The following ACTR3B variants were observed in gnomAD, a reference collection of about 807,000 sequenced individuals.
ACTR3B encodes the protein actin related protein 3B.
A neutral mutation model predicts 59.0 loss-of-function variants in ACTR3B; 8 were observed. The ratio of observed to expected loss-of-function variants is 0.14; its 90% confidence interval spans 0.08 to 0.24. The LOEUF is 0.24. Ranked by LOEUF, ACTR3B falls within the 10% of genes least tolerant of loss-of-function variation. ACTR3B has a pLI of 1.00. For synonymous variants in ACTR3B, 148 were observed against 197.9 expected, an observed-to-expected ratio of 0.75 and a Z score of 2.12; for missense variants, 245 against 552.3, an observed-to-expected ratio of 0.44 and a Z score of 5.58.
chr7:152,832,847 G>T (rs992226710), intron 9 of ACTR3B, among the ~76,000 whole-genome samples: 9 of 152,162 alleles, frequency 5.9e-5, no homozygotes, highest in Admixed American at 2.0e-4. Context: ...ACTGGATGAG[G>T]CCCAACCACA....
chr7:152,766,113 C>T (rs1044580902), intron 1 of ACTR3B, among the ~76,000 whole-genome samples: 3 of 152,158 alleles, frequency 2.0e-5, no homozygotes, highest in Non-Finnish European at 2.9e-5. Context: ...ACTCCCAGTT[C>T]CAGTGACTTG....
intron 9 of ACTR3B, among the ~76,000 whole-genome samples, chr7:152,846,519 G>A (rs1433895350): frequency 7.9e-6 from 1 of 126,212 alleles, no homozygotes; most frequent in African/African-American, 3.1e-5. Context: ...GAGCTCTAGT[G>A]CCGGGCTGTA....
At chr7:152,797,096 A>G (rs537147066) in intron 2 of ACTR3B, among the ~76,000 whole-genome samples, 347 of 151,640 alleles carry the variant, frequency 2.3e-3, no homozygotes, top group Middle Eastern at 0.01. Flanking sequence ...AGTTTTTAAA[A>G]ATTTAAACTT....
intron 5 of ACTR3B, among the ~76,000 whole-genome samples, chr7:152,815,920 T>C (rs1391918161): frequency 6.6e-6 from 1 of 152,226 alleles, no homozygotes; most frequent in Non-Finnish European, 1.5e-5. Context: ...TGGCTTTTCT[T>C]TGTAAAACTT....
At chr7:152,795,903 G>A (rs1237367235) in intron 2 of ACTR3B, among the ~76,000 whole-genome samples, 1 of 151,714 alleles carries the variant, frequency 6.6e-6, no homozygotes, top group Non-Finnish European at 1.5e-5. Flanking sequence ...GAGTGCAGTG[G>A]CGCGATCTCG....
chr7:152,812,437 A>T (rs2116810022), intron 4 of ACTR3B: 1 of 118,956 alleles, frequency 8.4e-6, no homozygotes, highest in Middle Eastern at 4.4e-3. Context: ...ATCCTCTAAT[A>T]GTTCATGAAC....
intron 9 of ACTR3B, among the ~76,000 whole-genome samples, chr7:152,831,550 T>C (rs1222638807): frequency 7.2e-5 from 11 of 152,170 alleles, no homozygotes. Context: ...AAACTTTAAC[T>C]ATTGTGAGTT....
intron 1 of ACTR3B, among the ~76,000 whole-genome samples, chr7:152,761,368 T>G (rs190131579): frequency 1.6e-3 from 247 of 152,354 alleles, no homozygotes; most frequent in African/African-American, 5.8e-3. Context: ...TTTCCACATT[T>G]GCATGTGAGA....
At chr7:152,806,804 T>C (rs1420528280) in intron 4 of ACTR3B, among the ~76,000 whole-genome samples, 1 of 152,228 alleles carries the variant, frequency 6.6e-6, no homozygotes, top group Non-Finnish European at 1.5e-5. Context: ...GGAAATGCTT[T>C]TTTCTGGGCC....
rs370703252 is a variant in ACTR3B, at chr7:152,832,987, C to T, written c.951+7865C>T. ...CAAGTTGACACACAAAATTAACTGT[C>T]ACGGAAGTCAAGAAGGAGTCGCCTG... On this transcript the variant is annotated intron_variant, in intron 9 of 11. Transcript: ENST00000256001. Among the ~76,000 whole-genome samples, 19 of 152,202 alleles carry T rather than the reference C, an allele frequency of 1.2e-4. No individual in the cohort carries two copies. The East Asian group carries it at 3.7e-3, about 29-fold the overall frequency.
At chr7:152,769,002 G>A (rs13309872) in intron 1 of ACTR3B, among the ~76,000 whole-genome samples, 3 of 151,082 alleles carry the variant, frequency 2.0e-5, no homozygotes, top group Non-Finnish European at 2.9e-5. Context: ...ATAGGCACCC[G>A]CCACCATGCC....
At chr7:152,810,453 T>C (rs925336855) in intron 4 of ACTR3B, among the ~76,000 whole-genome samples, 1 of 148,280 alleles carries the variant, frequency 6.7e-6, no homozygotes, top group Non-Finnish European at 1.5e-5. Context: ...AGAGGGGGTC[T>C]CTATGTTGTC....
At chr7:152,834,717 G>A (rs1797308810) in intron 9 of ACTR3B, among the ~76,000 whole-genome samples, 1 of 152,132 alleles carries the variant, frequency 6.6e-6, no homozygotes, top group African/African-American at 2.4e-5. Flanking sequence ...AAGATTTATT[G>A]CATTACCAGG....
intron 1 of ACTR3B, among the ~76,000 whole-genome samples, chr7:152,761,664 G>A (rs1366767914): frequency 6.6e-6 from 1 of 152,140 alleles, no homozygotes; most frequent in Non-Finnish European, 1.5e-5. Context: ...TAGAAACGGT[G>A]GCAGGGAATC....
chr7:152,762,091 G>A (rs1356055671), intron 1 of ACTR3B, among the ~76,000 whole-genome samples: 1 of 152,076 alleles, frequency 6.6e-6, no homozygotes, highest in African/African-American at 2.4e-5. Flanking sequence ...ATGATTTATT[G>A]GACAGTGTGA....
intron 1 of ACTR3B, among the ~76,000 whole-genome samples, chr7:152,777,302 A>G (rs548405781): frequency 6.6e-6 from 1 of 152,276 alleles, no homozygotes; most frequent in African/African-American, 2.4e-5. Context: ...TCCTGAACCA[A>G]TTGACCAGAA....
intron 8 of ACTR3B, among the ~76,000 whole-genome samples, chr7:152,823,793 G>C (rs1796370237): frequency 6.6e-6 from 1 of 151,838 alleles, no homozygotes; most frequent in African/African-American, 2.4e-5. Flanking sequence ...ATCTCCAAGG[G>C]TTGTGGGTGG....
chr7:152,760,171 C>T (rs914311683), intron 1 of ACTR3B, among the ~76,000 whole-genome samples: 1 of 152,118 alleles, frequency 6.6e-6, no homozygotes, highest in Admixed American at 6.5e-5. Context: ...GGTGCCCACT[C>T]TGAGCGAGCC....
At chr7:152,786,083 C>T (rs747765910) in intron 2 of ACTR3B, among the ~76,000 whole-genome samples, 30 of 18,260 alleles carry the variant, frequency 1.6e-3, no homozygotes, top group Admixed American at 3.1e-3. Flanking sequence ...GTGGTCCTGC[C>T]GCAGCTTCAG....
Sources: gnomAD v4.1 joint callset for allele counts (sites outside exome capture counted in the v4.1 genomes callset) on GRCh38, gnomAD v4.1.1 for gene constraint, MANE v1.5 for transcripts, NCBI Gene and HGNC (gene_info 2026-07-23, HGNC 2026-07-21) for gene names.